THAP4: variants seen among roughly 807,000 people sequenced by gnomAD.
THAP4 encodes THAP domain containing 4.
In THAP4, 18 loss-of-function variants were observed where a neutral mutation model predicts 48.1. That is an observed-to-expected ratio of 0.37 (90% confidence interval 0.26 to 0.56). The LOEUF is 0.56. Among genes scored for constraint, THAP4 ranks in the 20% least tolerant of loss-of-function variants. The pLI, the probability that THAP4 is intolerant of heterozygous loss-of-function variation, is 0.78. For synonymous variants in THAP4, 345 were observed against 324.9 expected, an observed-to-expected ratio of 1.06 and a Z score of -0.66; for missense variants, 656 against 774.9, an observed-to-expected ratio of 0.85 and a Z score of 1.82.
chr2:241,633,492 G>A lies in THAP4; in HGVS notation c.665C>T (p.Thr222Met), dbSNP rs376251811. 28 of 1,613,964 alleles carry A rather than the reference G, an allele frequency of 1.7e-5. No homozygotes were observed. The highest frequency in any genetic ancestry group is 1.3e-4 in the South Asian group (12 of 91,088). ...TTTGCACGCCCCAGATCCTGGGGGCGTAAAGTCATCCATAGAAATGCCACT... is the reference window on the plus strand; with the variant it reads ...TTTGCACGCCCCAGATCCTGGGGGCATAAAGTCATCCATAGAAATGCCACT... Reference protein sequence around the residue: ...DKSGISMDDFTPPGSGACKFI... With the variant: ...DKSGISMDDFMPPGSGACKFI... The change falls in exon 2 of 6, where the codon ACG becomes ATG. Residue 222 changes from threonine (T) to methionine (M), a missense_variant. By Grantham distance (81) the Thr-to-Met change is moderately conservative. Coordinates refer to ENST00000407315, the MANE Select transcript of THAP4 (RefSeq NM_015963.6). The surrounding 1 kb of genome is among the most constrained non-coding windows in gnomAD (Gnocchi z 7.5).
intron 2 of THAP4, among the ~76,000 whole-genome samples, chr2:241,618,517 G>C (rs569003551): frequency 1.3e-5 from 2 of 152,252 alleles, no homozygotes; most frequent in East Asian, 1.9e-4. Context: ...CACATGTAAA[G>C]AGCTTAGGAG....
chr2:241,634,339 T>C (rs1259780272), intron 1 of THAP4, among the ~76,000 whole-genome samples: 1 of 152,128 alleles, frequency 6.6e-6, no homozygotes, highest in Non-Finnish European at 1.5e-5. Context: ...AACCAACTGC[T>C]CCCCAGGCTG....
Position 241,596,420 on chromosome 2 carries a change from C to A in THAP4, c.1614+5476G>T, listed in dbSNP as rs554640858. Among the ~76,000 whole-genome samples, 5 of 147,820 alleles carry A rather than the reference C, an allele frequency of 3.4e-5. No individual in the cohort carries two copies. In the East Asian group the frequency reaches 1.0e-3, roughly 31 times the overall value. On this transcript the variant is annotated intron_variant, in intron 5 of 5. Transcript: ENST00000407315. ...TACTTAGGAGGCTGAGGAAGGAGAA[C>A]CACTTGAACCTGGGAGGCAGAGGTT...
At chr2:241,587,187 G>T (rs1033669265) in intron 5 of THAP4, among the ~76,000 whole-genome samples, 2 of 152,312 alleles carry the variant, frequency 1.3e-5, no homozygotes, top group Non-Finnish European at 2.9e-5. Flanking sequence ...TGACTGACCA[G>T]GTGAGGAAGA....
chr2:241,626,016 A>C (rs2067492490), intron 2 of THAP4, among the ~76,000 whole-genome samples: 1 of 152,182 alleles, frequency 6.6e-6, no homozygotes, highest in East Asian at 1.9e-4. Flanking sequence ...ATCAACAGGC[A>C]AATCATCTGA....
chr2:241,603,106 C>T, intron 3 of THAP4, 27 bp from the exon 4 acceptor site: 3 of 1,584,734 alleles, frequency 1.9e-6, no homozygotes, highest in Non-Finnish European at 2.6e-6. Flanking sequence ...AGTTGAGAAG[C>T]CCAGGCACTG....
intron 2 of THAP4, among the ~76,000 whole-genome samples, chr2:241,628,295 AC>A (rs1257515542): frequency 7.4e-5 from 11 of 148,462 alleles, no homozygotes; most frequent in Non-Finnish European, 1.5e-4. Context: ...ACCACACTCG[AC>A]CCCCCAAGGC....
chr2:241,593,148 T>C (rs1451704649), intron 5 of THAP4, among the ~76,000 whole-genome samples: 1 of 151,900 alleles, frequency 6.6e-6, no homozygotes, highest in African/African-American at 2.4e-5. Context: ...GGGAGGAAGA[T>C]GTGGGAGAAT....
At chr2:241,597,110 C>A (rs1267641527) in intron 5 of THAP4, among the ~76,000 whole-genome samples, 2 of 152,146 alleles carry the variant, frequency 1.3e-5, no homozygotes, top group Non-Finnish European at 2.9e-5. Context: ...TAAGTGGGGT[C>A]TGTCAGTCCG....
intron 3 of THAP4, among the ~76,000 whole-genome samples, chr2:241,605,189 T>C (rs1297440362): frequency 6.6e-6 from 1 of 152,114 alleles, no homozygotes; most frequent in Non-Finnish European, 1.5e-5. Context: ...ATTCAATCAA[T>C]AATAATATAA....
At chr2:241,615,476 G>A (rs1457110243) in intron 2 of THAP4, among the ~76,000 whole-genome samples, 5 of 152,248 alleles carry the variant, frequency 3.3e-5, no homozygotes, top group Admixed American at 6.5e-5. Flanking sequence ...TCAGAGCAGG[G>A]GATGTGGTGG....
At chr2:241,617,479 CG>C in intron 2 of THAP4, 1 of 1,548,690 alleles carries the variant, frequency 6.5e-7, no homozygotes, top group Non-Finnish European at 8.7e-7. Context: ...TGCCAATTGA[CG>C]GGAAATGTTT....
Position 241,632,069 on chromosome 2 carries a change from G to A in THAP4, c.1240+848C>T, listed in dbSNP as rs149932047. Among the ~76,000 whole-genome samples the A allele has an allele frequency of 3.4e-3, 520 of 151,488 alleles. 1 individual carries two copies. Among genetic ancestry groups the A allele is most frequent in the Non-Finnish European group, 5.5e-3 (375 of 67,834 alleles). On this transcript the variant is annotated intron_variant, in intron 2 of 5. Transcript: ENST00000407315. ...ATTACAGGAGTGTGCCACCATGCCC[G>A]GCTGAGAATGTGTTTCAATAGATGT...
chr2:241,593,801 C>G (rs2067016595), intron 5 of THAP4, among the ~76,000 whole-genome samples: 7 of 152,292 alleles, frequency 4.6e-5, no homozygotes, highest in African/African-American at 1.7e-4. Context: ...ATTCTCCCAC[C>G]TCACCCTCTC....
At chr2:241,637,181 G>A, upstream of THAP4, 1 of 965,842 alleles carries the variant, frequency 1.0e-6, no homozygotes, top group South Asian at 4.7e-5. Flanking sequence ...GCCCGCAGCG[G>A]GCCCGCCCCC....
intron 5 of THAP4, among the ~76,000 whole-genome samples, chr2:241,586,086 T>A (rs1428547637): frequency 6.6e-6 from 1 of 150,596 alleles, no homozygotes; most frequent in Non-Finnish European, 1.5e-5. Context: ...AAACCCCGTC[T>A]CTACTAAAAA....
intron 1 of THAP4, 77 bp downstream of exon 1, chr2:241,636,864 T>G: frequency 1.1e-5 from 9 of 849,956 alleles, no homozygotes; most frequent in African/African-American, 1.9e-5. Flanking sequence ...CCCCCCGCGT[T>G]CGGGCCGGCC....
At chr2:241,636,409 G>C (rs1170038417) in intron 1 of THAP4, among the ~76,000 whole-genome samples, 3 of 152,208 alleles carry the variant, frequency 2.0e-5, no homozygotes, top group Non-Finnish European at 2.9e-5. Context: ...AAGCGGCCGA[G>C]AGCCCCGGGC....
intron 5 of THAP4, among the ~76,000 whole-genome samples, chr2:241,586,575 C>T (rs2066899213): frequency 6.6e-6 from 1 of 152,160 alleles, no homozygotes; most frequent in African/African-American, 2.4e-5. Flanking sequence ...AGGAAATAGA[C>T]ACCTCCCCCA....
Sources: allele counts gnomAD v4.1 joint callset (sites outside exome capture counted in the v4.1 genomes callset), GRCh38; gene constraint gnomAD v4.1.1; non-coding constraint Gnocchi (gnomAD v3.1); transcripts MANE v1.5; gene names NCBI Gene and HGNC (gene_info 2026-07-23, HGNC 2026-07-21).